Variants in DIAPH3 observed in about 807,000 individuals in gnomAD.
DIAPH3 encodes the protein diaphanous related formin 3, also known as protein diaphanous homolog 3.
DIAPH3 carries 117 observed loss-of-function variants against 144.3 expected under a neutral mutation model. That is an observed-to-expected ratio of 0.81 (90% CI 0.70 to 0.95). DIAPH3 has a LOEUF of 0.95. DIAPH3 is among the 40% of genes least tolerant of loss of function. The pLI is 0.00. For synonymous variants in DIAPH3, 519 were observed against 488.9 expected, an observed-to-expected ratio of 1.06 and a Z score of -0.81; for missense variants, 1,421 against 1,412.7, an observed-to-expected ratio of 1.01 and a Z score of -0.09.
chr13:59,973,899 A>T (rs1181304977), intron 15 of DIAPH3, among the ~76,000 whole-genome samples: 1 of 152,090 alleles, frequency 6.6e-6, no homozygotes, highest in Non-Finnish European at 1.5e-5. Context: ...GTCATGTTTT[A>T]AATCTGTTTA....
At chr13:59,858,457 G>C (rs1426537043) in intron 22 of DIAPH3, among the ~76,000 whole-genome samples, 1 of 152,132 alleles carries the variant, frequency 6.6e-6, no homozygotes, top group Non-Finnish European at 1.5e-5. Flanking sequence ...ATGAGTTACA[G>C]ACTGAACTAG....
At chr13:60,046,167 C>T (rs962575858) in intron 4 of DIAPH3, among the ~76,000 whole-genome samples, 3 of 152,132 alleles carry the variant, frequency 2.0e-5, no homozygotes, top group African/African-American at 7.2e-5. Context: ...TGAGAGCTAA[C>T]TGAATCCACA....
intron 22 of DIAPH3, among the ~76,000 whole-genome samples, chr13:59,858,700 A>G (rs1009879973): frequency 6.6e-6 from 1 of 152,206 alleles, no homozygotes; most frequent in African/African-American, 2.4e-5. Flanking sequence ...ATTAATTTTA[A>G]CTGCTTAGAC....
At chr13:60,023,949 G>A (rs1364786175) in intron 5 of DIAPH3, among the ~76,000 whole-genome samples, 7 of 127,746 alleles carry the variant, frequency 5.5e-5, no homozygotes, top group South Asian at 5.5e-4. Flanking sequence ...TCCGCCTCCC[G>A]GGTTCACACC....
intron 3 of DIAPH3, among the ~76,000 whole-genome samples, chr13:60,107,701 T>C (rs1056135456): frequency 4.6e-5 from 7 of 152,186 alleles, no homozygotes; most frequent in Non-Finnish European, 7.4e-5. Flanking sequence ...AAAAGCCTGA[T>C]AAACATCTTC....
chr13:59,685,150 G>T (rs2033149548), intron 27 of DIAPH3, among the ~76,000 whole-genome samples: 1 of 152,094 alleles, frequency 6.6e-6, no homozygotes, highest in African/African-American at 2.4e-5. Flanking sequence ...GGGGTGAAGG[G>T]TGGGAAGGAG....
intron 24 of DIAPH3, among the ~76,000 whole-genome samples, chr13:59,825,720 T>C (rs1274128337): frequency 1.3e-5 from 2 of 152,316 alleles, no homozygotes; most frequent in East Asian, 3.9e-4. Flanking sequence ...TTTTTAATAA[T>C]TGCCATTCTA....
intron 19 of DIAPH3, among the ~76,000 whole-genome samples, chr13:59,915,236 A>G (rs1002951809): frequency 3.9e-5 from 6 of 152,130 alleles, no homozygotes; most frequent in Non-Finnish European, 7.4e-5. Context: ...AAATGCTTAA[A>G]TAAGAGTAGC....
intron 25 of DIAPH3, among the ~76,000 whole-genome samples, chr13:59,775,241 T>C (rs906479876): frequency 1.9e-4 from 29 of 152,042 alleles, no homozygotes; most frequent in African/African-American, 6.8e-4. Context: ...AGTTTTTGTT[T>C]TTTGTTTTTT....
At chr13:59,734,058 C>T (rs1057052418) in intron 27 of DIAPH3, among the ~76,000 whole-genome samples, 1 of 152,220 alleles carries the variant, frequency 6.6e-6, no homozygotes, top group Non-Finnish European at 1.5e-5. Context: ...ATGATATCAT[C>T]AGGAATTCTA....
chr13:59,676,636 C>G (rs564371834), intron 27 of DIAPH3, among the ~76,000 whole-genome samples: 1 of 152,206 alleles, frequency 6.6e-6, no homozygotes, highest in Admixed American at 6.5e-5. Flanking sequence ...CTATAATGAA[C>G]ATGCAAAACA....
intron 4 of DIAPH3, among the ~76,000 whole-genome samples, chr13:60,067,252 T>G (rs1411453579): frequency 6.6e-6 from 1 of 151,532 alleles, no homozygotes; most frequent in Non-Finnish European, 1.5e-5. Context: ...GCCACTGCAC[T>G]CCAGCCTGAG....
chr13:59,744,128 T>C (rs1247622980), intron 27 of DIAPH3, among the ~76,000 whole-genome samples: 1 of 152,214 alleles, frequency 6.6e-6, no homozygotes, highest in Non-Finnish European at 1.5e-5. Flanking sequence ...CTTGTACATT[T>C]TCTGCATGTA....
chr13:59,832,983 T>A, intron 24 of DIAPH3, 124 bp downstream of exon 24: 1 of 810,656 alleles, frequency 1.2e-6, no homozygotes, highest in Non-Finnish European at 2.0e-6. Context: ...TCTGAAATTT[T>A]ATAGCTTTCA....
chr13:60,106,633 A>G (rs1282761658), intron 3 of DIAPH3, among the ~76,000 whole-genome samples: 2 of 152,138 alleles, frequency 1.3e-5, no homozygotes, highest in Non-Finnish European at 2.9e-5. Flanking sequence ...AACTGAACAC[A>G]TGAGTATTAT....
chr13:59,916,843 T>G (rs574543709), intron 18 of DIAPH3, among the ~76,000 whole-genome samples: 1 of 152,244 alleles, frequency 6.6e-6, no homozygotes, highest in Middle Eastern at 3.4e-3. Flanking sequence ...AAACAAATTC[T>G]CACTGAAAAT....
rs12429010 is a variant in DIAPH3 at position 60,016,173 on chromosome 13, C to T, written c.627-28G>A. 0.29 allele frequency: 462,953 copies of T among 1,602,014 alleles called. 71,942 individuals are homozygous for T. Among genetic ancestry groups the T allele is most frequent in the Admixed American group, 0.42 (24,869 of 59,706 alleles). On this transcript the variant is annotated intron_variant, in intron 5 of 27. Coordinates refer to ENST00000400324, the MANE Select transcript of DIAPH3 (RefSeq NM_001042517.2). ...GAAAAACAGAAAAAAGACAGTTACACATTGTCAGTAACGCAGCTTGTGTTA... is the reference window on the plus strand; with the variant it reads ...GAAAAACAGAAAAAAGACAGTTACATATTGTCAGTAACGCAGCTTGTGTTA...
chr13:59,748,755 T>C (rs1439813313), intron 27 of DIAPH3, among the ~76,000 whole-genome samples: 1 of 152,168 alleles, frequency 6.6e-6, no homozygotes, highest in East Asian at 1.9e-4. Flanking sequence ...ATGTCTGTAA[T>C]TGTATGAAGG....
chr13:60,049,515 T>C lies in DIAPH3; in HGVS notation c.496-6695A>G, dbSNP rs956843704. Among the ~76,000 whole-genome samples, 7 of 152,274 alleles carry C rather than the reference T, an allele frequency of 4.6e-5. No individual in the cohort carries two copies. The East Asian group carries it at 1.4e-3, about 29-fold the overall frequency. ...CCCTCACCACCACTACTACAACCCT[T>C]ACCCAGGCCTACTCCTAAACATTGG... On this transcript the variant is annotated intron_variant, in intron 4 of 27. Coordinates refer to ENST00000400324, the MANE Select transcript of DIAPH3 (RefSeq NM_001042517.2).
Sources: gnomAD v4.1 joint callset for allele counts (sites outside exome capture counted in the v4.1 genomes callset) on GRCh38, gnomAD v4.1.1 for gene constraint, MANE v1.5 for transcripts, NCBI Gene and HGNC (gene_info 2026-07-23, HGNC 2026-07-21) for gene names.